CADM2: variants seen among roughly 807,000 people sequenced by gnomAD.
The protein encoded by CADM2 is immunoglobulin superfamily member 4D.
A neutral mutation model predicts 49.8 loss-of-function variants in CADM2; 12 were observed. The ratio of observed to expected loss-of-function variants is 0.24; its 90% CI spans 0.15 to 0.39. The LOEUF is 0.39. CADM2 is among the 10% of genes least tolerant of loss of function. The pLI is 1.00. For missense variants in CADM2, 378 were observed against 492.3 expected (o/e 0.77, Z 2.20); for synonymous variants, 214 against 175.4 (o/e 1.22, Z -1.74).
At chr3:86,031,028 T>C (rs1202050828) in intron 8 of CADM2, among the ~76,000 whole-genome samples, 2 of 151,884 alleles carry the variant, frequency 1.3e-5, no homozygotes, top group Non-Finnish European at 2.9e-5. Context: ...TAATAATTTA[T>C]AAATTTTTTC....
At chr3:85,750,593 G>T (rs1331519496) in intron 2 of CADM2, among the ~76,000 whole-genome samples, 2 of 151,960 alleles carry the variant, frequency 1.3e-5, no homozygotes, top group Admixed American at 6.6e-5. Flanking sequence ...ATACAACAAA[G>T]AAAATATTTT....
At chr3:85,316,809 A>G (rs963875761) in intron 1 of CADM2, among the ~76,000 whole-genome samples, 7 of 152,152 alleles carry the variant, frequency 4.6e-5, no homozygotes, top group Non-Finnish European at 1.0e-4. Flanking sequence ...AAATATAGCA[A>G]CTATAACAAA....
chr3:85,730,604 A>G (rs2067890871), intron 2 of CADM2, among the ~76,000 whole-genome samples: 1 of 152,142 alleles, frequency 6.6e-6, no homozygotes, highest in African/African-American at 2.4e-5. Context: ...CTGAATTTTA[A>G]CAAGATCATC....
At chr3:85,468,871 C>G (rs1576611249) in intron 1 of CADM2, among the ~76,000 whole-genome samples, 1 of 152,140 alleles carries the variant, frequency 6.6e-6, no homozygotes, top group East Asian at 1.9e-4. Flanking sequence ...TATTGGCAGC[C>G]CCTGGGAGAA....
intron 2 of CADM2, 34 bp from the exon 3 acceptor site, chr3:85,802,013 C>A: frequency 6.4e-7 from 1 of 1,553,492 alleles, no homozygotes; most frequent in South Asian, 1.2e-5. Context: ...TTATGACTTT[C>A]ATTTAATCAA....
At chr3:85,886,940 C>G (rs1198540098) in intron 5 of CADM2, among the ~76,000 whole-genome samples, 1 of 152,068 alleles carries the variant, frequency 6.6e-6, no homozygotes, top group Non-Finnish European at 1.5e-5. Flanking sequence ...AGGGAGATGG[C>G]TTGGTATTTA....
chr3:85,707,695 A>G (rs750547843), intron 1 of CADM2, among the ~76,000 whole-genome samples: 7 of 152,148 alleles, frequency 4.6e-5, no homozygotes, highest in Non-Finnish European at 7.4e-5. Context: ...ATTTTTGTCA[A>G]TCGAAAATAC....
In CADM2 at chr3:85,562,478, C is replaced by CAAA. The variant is rs10533481; in HGVS notation, c.62-164020_62-164018dup. 1.4e-4 allele frequency among the ~76,000 whole-genome samples: 9 copies of CAAA among 65,518 alleles called. 1 individual carries two copies. Among genetic ancestry groups the CAAA allele is most frequent in the African/African-American group, 6.3e-4 (8 of 12,616 alleles). The allele number at this position is 65,518 out of a possible 152,430, so 43.0% of individuals were successfully genotyped here. ...GGGCAACAAGAGAGAAACTCCATCT[C>CAAA]AAAAAAAAAAAAAAAAAAAAAAAAA... On this transcript the variant is annotated intron_variant, in intron 1 of 9. Transcript: ENST00000383699.
chr3:85,137,855 A>G (rs1291463802), intron 1 of CADM2, among the ~76,000 whole-genome samples: 1 of 152,118 alleles, frequency 6.6e-6, no homozygotes, highest in Non-Finnish European at 1.5e-5. Flanking sequence ...ACGTTTCTGA[A>G]TATTTGGAAT....
Position 85,111,818 on chromosome 3 carries a change from C to T in CADM2, c.61+152150C>T, listed in dbSNP as rs111938826. 4.4e-3 allele frequency among the ~76,000 whole-genome samples: 661 copies of T among 151,802 alleles called. 2 individuals carry two copies. Among genetic ancestry groups the T allele is most frequent in the Admixed American group, 0.01 (155 of 15,226 alleles). ...TAGATTAAATTAATTTAAGGAAATG[C>T]CATCAACTTTCAACTGTAAGATAAA... On this transcript the variant is annotated intron_variant, in intron 1 of 9. Coordinates refer to ENST00000383699, the MANE Select transcript of CADM2 (RefSeq NM_001167675.2).
chr3:85,335,340 TA>T (rs1330573700), intron 1 of CADM2, among the ~76,000 whole-genome samples: 2 of 151,440 alleles, frequency 1.3e-5, no homozygotes, highest in Admixed American at 1.3e-4. Context: ...ATAAACACTT[TA>T]TTTGATTTTA....
At chr3:85,028,722 C>T (rs183809428) in intron 1 of CADM2, among the ~76,000 whole-genome samples, 2 of 152,008 alleles carry the variant, frequency 1.3e-5, no homozygotes, top group Admixed American at 1.3e-4. Flanking sequence ...ACTAAGAATT[C>T]CATCTCCTTA....
chr3:86,020,529 A>C lies in CADM2; in HGVS notation c.971-45076A>C, dbSNP rs1224588830. On this transcript the variant is annotated intron_variant, in intron 8 of 9. Coordinates refer to ENST00000383699, the MANE Select transcript of CADM2 (RefSeq NM_001167675.2). ...TGATACCAAAGCCAGGCAGAGACAC[A>C]ACAAAAAAAGAGAATTTTAGACCAA... 4.5e-4 allele frequency among the ~76,000 whole-genome samples: 68 copies of C among 151,640 alleles called. 1 individual carries two copies. In the East Asian group the frequency reaches 0.013, roughly 28 times the overall value.
intron 1 of CADM2, among the ~76,000 whole-genome samples, chr3:85,686,151 A>C (rs954794773): frequency 6.6e-6 from 1 of 152,222 alleles, no homozygotes; most frequent in African/African-American, 2.4e-5. Context: ...AACTCACAGA[A>C]TAAAACCTAC....
At chr3:85,617,688 C>G (rs1266049925) in intron 1 of CADM2, among the ~76,000 whole-genome samples, 1 of 152,154 alleles carries the variant, frequency 6.6e-6, no homozygotes, top group African/African-American at 2.4e-5. Flanking sequence ...CTTGGTCTTT[C>G]TCGTGACCAG....
intron 1 of CADM2, among the ~76,000 whole-genome samples, chr3:85,117,853 T>C (rs2038700265): frequency 6.6e-6 from 1 of 152,146 alleles, no homozygotes; most frequent in East Asian, 1.9e-4. Flanking sequence ...ATTTTTTATA[T>C]TTTGGGAGGA....
At chr3:86,030,368 G>T (rs1263444347) in intron 8 of CADM2, among the ~76,000 whole-genome samples, 1 of 151,828 alleles carries the variant, frequency 6.6e-6, no homozygotes, top group Non-Finnish European at 1.5e-5. Flanking sequence ...ACAAATTTCA[G>T]TTTTTTTCTT....
intron 1 of CADM2, among the ~76,000 whole-genome samples, chr3:85,102,950 C>T (rs888168289): frequency 1.3e-5 from 2 of 152,082 alleles, no homozygotes; most frequent in Non-Finnish European, 2.9e-5. Flanking sequence ...ACCTAAGACA[C>T]ATTTTTGAAT....
intron 1 of CADM2, among the ~76,000 whole-genome samples, chr3:85,418,460 T>TA (rs950269316): frequency 4.7e-4 from 71 of 151,952 alleles, no homozygotes; most frequent in East Asian, 2.3e-3. Flanking sequence ...GCCTGTTAAT[T>TA]AAAAAAAATA....
Sources: allele counts gnomAD v4.1 joint callset (sites outside exome capture counted in the v4.1 genomes callset), GRCh38; gene constraint gnomAD v4.1.1; transcripts MANE v1.5; gene names NCBI Gene and HGNC (gene_info 2026-07-23, HGNC 2026-07-21).